Variants in CCNY observed in about 807,000 individuals in gnomAD.
The protein encoded by CCNY is cyclin Y.
In CCNY, 19 loss-of-function variants were observed where a neutral mutation model predicts 42.8. The ratio of observed to expected loss-of-function variants is 0.44; its 90% CI spans 0.31 to 0.65. The LOEUF (loss-of-function observed/expected upper bound fraction) is 0.65, where lower values mean the gene tolerates loss of function less well. CCNY is among the 30% of genes least tolerant of loss of function. CCNY has a pLI of 0.07. For missense variants in CCNY, 370 were observed against 437.3 expected (o/e 0.85, Z 1.37); for synonymous variants, 165 against 162.7 (o/e 1.01, Z -0.11).
chr10:35,384,696 A>G lies in CCNY; in HGVS notation c.154+47489A>G, dbSNP rs143242788. Reference sequence around the variant, plus strand: ...TGGGTCTATACACTCATGTGTGGAGATGACTCCAGGCCAGTCCTGGGCACA... The same window carrying G: ...TGGGTCTATACACTCATGTGTGGAGGTGACTCCAGGCCAGTCCTGGGCACA... On this transcript the variant is annotated intron_variant, in intron 1 of 9. Transcript: ENST00000374704. 2.7e-3 allele frequency among the ~76,000 whole-genome samples: 416 copies of G among 152,112 alleles called. 3 individuals are homozygous for G. Among genetic ancestry groups the G allele is most frequent in the African/African-American group, 9.6e-3 (399 of 41,490 alleles).
At chr10:35,309,113 T>C (rs949592235) in intron 3 of CCNY, among the ~76,000 whole-genome samples, 5 of 152,120 alleles carry the variant, frequency 3.3e-5, no homozygotes, top group Admixed American at 6.5e-5. Context: ...GACAAAGATT[T>C]GAGAATCAGC....
rs35268084 is a variant in CCNY, at chr10:35,516,661, CTTTTTTTTTT to C, written c.365+56_365+65del. ...ATTTATTTCCTTCCTTCCTTCCTTC[CTTTTTTTTTT>C]TTTTTTTTTTTTTTTTTACTTAACT... is the stretch of plus-strand genomic sequence containing the variant. On this transcript the variant is annotated intron_variant, in intron 4 of 9. Transcript: ENST00000374704. 1.6e-3 allele frequency: 537 copies of C among 327,582 alleles called. 6 individuals carry two copies. In the African/African-American group the frequency reaches 0.022, roughly 13 times the overall value. 20.3% of individuals were successfully genotyped at this position (327,582 alleles called of 1,614,324 possible).
intron 3 of CCNY, among the ~76,000 whole-genome samples, chr10:35,313,036 C>G (rs2135087798): frequency 6.6e-6 from 1 of 152,240 alleles, no homozygotes; most frequent in East Asian, 1.9e-4. Context: ...TCTTAGCTGT[C>G]TCTTTGCTTC....
intron 3 of CCNY, among the ~76,000 whole-genome samples, chr10:35,287,845 G>C (rs1484757330): frequency 6.6e-6 from 1 of 152,050 alleles, no homozygotes; most frequent in East Asian, 1.9e-4. Context: ...AAGTAGAGAT[G>C]GGGTTTCAGC....
At chr10:35,323,864 C>T (rs780884584) in intron 3 of CCNY, among the ~76,000 whole-genome samples, 2 of 151,904 alleles carry the variant, frequency 1.3e-5, no homozygotes, top group African/African-American at 2.4e-5. Context: ...ACTAAAAATA[C>T]AAAAATTAGC....
intron 2 of CCNY, among the ~76,000 whole-genome samples, chr10:35,499,119 T>C (rs1033015155): frequency 6.6e-6 from 1 of 151,476 alleles, no homozygotes; most frequent in Admixed American, 6.5e-5. Flanking sequence ...CTGTGTCTGC[T>C]GTAGTTTTTT....
chr10:35,340,291 T>C (rs1015807423), intron 1 of CCNY, among the ~76,000 whole-genome samples: 2 of 152,198 alleles, frequency 1.3e-5, no homozygotes, highest in Non-Finnish European at 2.9e-5. Context: ...TGCAGTCATA[T>C]CCATACTTTC....
intron 1 of CCNY, among the ~76,000 whole-genome samples, chr10:35,401,779 G>A (rs952500960): frequency 6.6e-6 from 1 of 152,022 alleles, no homozygotes; most frequent in Non-Finnish European, 1.5e-5. Flanking sequence ...GGGGGCAGGG[G>A]GTGGATCTCA....
intron 1 of CCNY, among the ~76,000 whole-genome samples, chr10:35,418,695 A>G (rs1259778819): frequency 2.0e-5 from 3 of 152,068 alleles, no homozygotes; most frequent in Non-Finnish European, 4.4e-5. Flanking sequence ...CAGCCTAGCA[A>G]TTCCCAGTGA....
At chr10:35,401,126 C>T (rs984814084) in intron 1 of CCNY, among the ~76,000 whole-genome samples, 1 of 152,220 alleles carries the variant, frequency 6.6e-6, no homozygotes, top group African/African-American at 2.4e-5. Context: ...TCAGCAGTTC[C>T]TATTTTTTGT....
At chr10:35,514,523 C>T (rs1012849412) in intron 3 of CCNY, among the ~76,000 whole-genome samples, 4 of 152,168 alleles carry the variant, frequency 2.6e-5, no homozygotes, top group African/African-American at 9.7e-5. Flanking sequence ...TCCCTGTCAA[C>T]TCACAAAGGT....
At chr10:35,286,859 C>A (rs990283256) in intron 3 of CCNY, among the ~76,000 whole-genome samples, 11 of 151,846 alleles carry the variant, frequency 7.2e-5, no homozygotes, top group African/African-American at 2.2e-4. Context: ...AGGGTTTTGT[C>A]ATGTCGGCCA....
intron 3 of CCNY, among the ~76,000 whole-genome samples, chr10:35,512,135 C>A (rs1840337110): frequency 6.6e-6 from 1 of 152,126 alleles, no homozygotes; most frequent in African/African-American, 2.4e-5. Flanking sequence ...TACAAGGAAA[C>A]CAACAGAAAG....
chr10:35,565,511 T>A (rs1841551538), intron 8 of CCNY, among the ~76,000 whole-genome samples: 1 of 151,960 alleles, frequency 6.6e-6, no homozygotes, highest in South Asian at 2.1e-4. Context: ...CTGGACACCC[T>A]CCCCCCATAA....
chr10:35,310,808 CTT>C (rs948350750), intron 3 of CCNY, among the ~76,000 whole-genome samples: 3 of 152,138 alleles, frequency 2.0e-5, no homozygotes, highest in African/African-American at 7.2e-5. Context: ...TAGCTAACAT[CTT>C]AAGTTATATT....
At chr10:35,405,817 C>T (rs950707833) in intron 1 of CCNY, among the ~76,000 whole-genome samples, 4 of 152,154 alleles carry the variant, frequency 2.6e-5, no homozygotes, top group African/African-American at 4.8e-5. Flanking sequence ...AGGAGTCAAT[C>T]AGAGCCTTGG....
At chr10:35,515,323 C>T (rs901407630) in intron 3 of CCNY, among the ~76,000 whole-genome samples, 1 of 152,180 alleles carries the variant, frequency 6.6e-6, no homozygotes, top group African/African-American at 2.4e-5. Context: ...GAAATTGGAA[C>T]CCCAAAGAAG....
At chr10:35,376,362 A>G (rs1329208672) in intron 1 of CCNY, among the ~76,000 whole-genome samples, 7 of 152,240 alleles carry the variant, frequency 4.6e-5, no homozygotes, top group African/African-American at 7.2e-5. Context: ...GTATACACAA[A>G]TGTACACAGC....
chr10:35,517,677 C>T (rs925843952), intron 4 of CCNY, among the ~76,000 whole-genome samples: 2 of 152,152 alleles, frequency 1.3e-5, no homozygotes, highest in Non-Finnish European at 2.9e-5. Context: ...TGTCAGGTTC[C>T]GTGCTTCCAG....
Sources: gnomAD v4.1 joint callset for allele counts (sites outside exome capture counted in the v4.1 genomes callset) on GRCh38, gnomAD v4.1.1 for gene constraint, MANE v1.5 for transcripts, NCBI Gene and HGNC (gene_info 2026-07-23, HGNC 2026-07-21) for gene names.